Variants in NUBP1 observed in about 807,000 individuals in gnomAD.
NUBP1 encodes the protein NUBP iron-sulfur cluster assembly factor 1, cytosolic, also known as cytosolic Fe-S cluster assembly factor NUBP1.
Under a neutral mutation model 41.8 loss-of-function variants are expected in NUBP1, and 46 were observed. The ratio of observed to expected loss-of-function variants is 1.10; its 90% CI spans 0.87 to 1.41. NUBP1 has a LOEUF of 1.41. Ranked by LOEUF, NUBP1 falls within the 40% of genes most tolerant of loss-of-function variation. The pLI is 0.00. For missense variants in NUBP1, 494 were observed against 414.0 expected, an observed-to-expected ratio of 1.19 and a Z score of -1.68; for synonymous variants, 189 against 154.6, an observed-to-expected ratio of 1.22 and a Z score of -1.65.
intron 2 of NUBP1, 79 bp from the exon 3 acceptor site, chr16:10,747,064 C>A: frequency 1.3e-6 from 2 of 1,561,206 alleles, no homozygotes; most frequent in Non-Finnish European, 1.8e-6. Flanking sequence ...TAGGACTTAG[C>A]TCTTTCTAGT....
At chr16:10,748,512 A>G (rs1314061800) in intron 3 of NUBP1, among the ~76,000 whole-genome samples, 1 of 149,052 alleles carries the variant, frequency 6.7e-6, no homozygotes, top group East Asian at 2.0e-4. Flanking sequence ...GCCCAAACTC[A>G]GGTCCCAGCT....
At chr16:10,750,243 CTTTT>C (rs1441195822) in intron 3 of NUBP1, among the ~76,000 whole-genome samples, 2 of 152,076 alleles carry the variant, frequency 1.3e-5, no homozygotes, top group Non-Finnish European at 2.9e-5. Context: ...ATAAATTAAA[CTTTT>C]TTTGTTTGTT....
intron 3 of NUBP1, among the ~76,000 whole-genome samples, chr16:10,748,262 T>G (rs1019000336): frequency 3.3e-5 from 5 of 152,188 alleles, no homozygotes; most frequent in African/African-American, 1.2e-4. Flanking sequence ...AAAATTGCAA[T>G]TTTTAAATTA....
chr16:10,747,809 C>T (rs1440291373), intron 3 of NUBP1, among the ~76,000 whole-genome samples: 3 of 152,154 alleles, frequency 2.0e-5, no homozygotes, highest in African/African-American at 4.8e-5. Context: ...TATTACATTA[C>T]GTTCACGCTT....
chr16:10,745,779 A>G (rs1900031744), intron 2 of NUBP1, among the ~76,000 whole-genome samples: 1 of 152,266 alleles, frequency 6.6e-6, no homozygotes, highest in South Asian at 2.1e-4. Context: ...GAGGGAATAA[A>G]GGAAGAATTA....
Position 10,769,195 on chromosome 16 carries a change from G to T in NUBP1, c.*90G>T. 1 of 1,182,406 alleles carries T rather than the reference G, an allele frequency of 8.5e-7. No individual in the cohort carries two copies. Among genetic ancestry groups the T allele is most frequent in the South Asian group, 1.3e-5 (1 of 78,678 alleles). The allele number at this position is 1,182,406 out of a possible 1,614,324, so 73.2% of individuals were successfully genotyped here. On this transcript the variant is annotated 3_prime_UTR_variant, in exon 11 of 11. Coordinates refer to ENST00000283027, the MANE Select transcript of NUBP1 (RefSeq NM_002484.4). ...CAGACCCGACCAGCTCCGGGATGGG[G>T]TGGGTCACAGCAAAAGGACCAGATG...
rs1353110962 is a variant in NUBP1 at position 10,768,120 on chromosome 16, G to A, written c.904+88G>A. On this transcript the variant is annotated intron_variant, in intron 10 of 10. Coordinates refer to ENST00000283027, the MANE Select transcript of NUBP1 (RefSeq NM_002484.4). This position sits in a 1 kb window ranked among gnomAD's most constrained non-coding sequence, Gnocchi z 4.3. ...CAGGGGTGTGGAAGGACAGGTGGGTGGTGGGGTCTGTGATGACCACAGAGT... is the reference window on the plus strand; with the variant it reads ...CAGGGGTGTGGAAGGACAGGTGGGTAGTGGGGTCTGTGATGACCACAGAGT... 2.3e-6 allele frequency: 3 copies of A among 1,293,864 alleles called. No homozygotes were observed. Among genetic ancestry groups the A allele is most frequent in the Non-Finnish European group, 3.3e-6 (3 of 901,080 alleles). The allele number at this position is 1,293,864 out of a possible 1,614,324, so 80.1% of individuals were successfully genotyped here.
rs2031351982 is a variant in NUBP1, at chr16:10,769,263, T to TGAG, written c.*158_*159insGAG. The TGAG allele has an allele frequency of 4.9e-6, 3 of 616,694 alleles. No individual in the cohort carries two copies. In the African/African-American group the frequency reaches 5.6e-5, roughly 11 times the overall value. 38.2% of individuals were successfully genotyped at this position (616,694 alleles called of 1,614,324 possible). A position where few individuals can be genotyped will look rare whatever the true frequency, so the allele number is the denominator to read the frequency against. The stretch of plus-strand genomic sequence containing the variant: ...CACTTTCTCAGAGACACTTTAATCA[T>TGAG]TGAGTATTTGTACACTTTTCTTTAG... On this transcript the variant is annotated 3_prime_UTR_variant, in exon 11 of 11. Transcript: ENST00000283027.
intron 5 of NUBP1, 112 bp from the exon 6 acceptor site, chr16:10,756,578 T>G (rs1900571281): frequency 3.0e-6 from 2 of 658,746 alleles, no homozygotes; most frequent in African/African-American, 1.9e-5. Context: ...CATGGTAGTT[T>G]TGTCCTGAAA....
rs373619978 is a variant in NUBP1 at position 10,747,240 on chromosome 16, C to A, written c.222C>A (p.His74Gln). ...TTGGGAAAAGCACATTCAGCGCCCA[C>A]CTTGCCCATGGCCTAGCAGAGGATG... ...GGVGKSTFSA[H>Q]LAHGLAEDEN... The change falls in exon 3 of 11, where the codon CAC becomes CAA. Residue 74 changes from histidine to glutamine, a missense_variant. Coordinates refer to ENST00000283027, the MANE Select transcript of NUBP1 (RefSeq NM_002484.4). 4 of 1,614,206 alleles carry A rather than the reference C, an allele frequency of 2.5e-6. No individual in the cohort carries two copies. Among genetic ancestry groups the A allele is most frequent in the Non-Finnish European group, 2.5e-6 (3 of 1,180,044 alleles).
At position 10,769,150 on chromosome 16, in the gene NUBP1, C is replaced by T. The variant is rs778997931; in HGVS notation, c.*45C>T. 7.0e-6 allele frequency: 11 copies of T among 1,573,812 alleles called. No individual in the cohort carries two copies. Among genetic ancestry groups the T allele is most frequent in the Middle Eastern group, 1.7e-4 (1 of 6,004 alleles). Reference sequence around the variant, plus strand: ...CCAAGCAGTTACCGAGCGAGGCACTCACTGGGCAGCACATCCAGCCAGACC... The same window carrying T: ...CCAAGCAGTTACCGAGCGAGGCACTTACTGGGCAGCACATCCAGCCAGACC... On this transcript the variant is annotated 3_prime_UTR_variant, in exon 11 of 11. Coordinates refer to ENST00000283027, the MANE Select transcript of NUBP1 (RefSeq NM_002484.4).
Position 10,752,295 on chromosome 16 carries a change from C to T in NUBP1, c.259-315C>T, listed in dbSNP as rs536207229. On this transcript the variant is annotated intron_variant, in intron 3 of 10. Transcript: ENST00000283027. ...AGCCAAACAGGCGCTAGGTCCCTTT[C>T]CCCGTCTCCTCCAACCAGGGCTCAG... 7.9e-5 allele frequency among the ~76,000 whole-genome samples: 12 copies of T among 152,304 alleles called. No individual in the cohort carries two copies. The South Asian group carries it at 2.5e-3, about 32-fold the overall frequency.
At chr16:10,746,592 T>C (rs1900074396) in intron 2 of NUBP1, among the ~76,000 whole-genome samples, 1 of 152,042 alleles carries the variant, frequency 6.6e-6, no homozygotes, top group South Asian at 2.1e-4. Flanking sequence ...AATACAAAAA[T>C]TAGCCAGGCA....
At chr16:10,762,594 T>C (rs2142767820) in intron 9 of NUBP1, among the ~76,000 whole-genome samples, 1 of 152,240 alleles carries the variant, frequency 6.6e-6, no homozygotes, top group East Asian at 1.9e-4. Flanking sequence ...GTGGGGCTCC[T>C]GCGGGGCGTC....
intron 2 of NUBP1, among the ~76,000 whole-genome samples, chr16:10,746,363 G>A (rs1447746684): frequency 6.6e-6 from 1 of 152,120 alleles, no homozygotes; most frequent in East Asian, 1.9e-4. Flanking sequence ...TTGTTGTGGG[G>A]GGCTGTCCTG....
At chr16:10,752,722 A>G in intron 4 of NUBP1, 44 bp downstream of exon 4, 1 of 1,513,864 alleles carries the variant, frequency 6.6e-7, no homozygotes, top group Non-Finnish European at 9.2e-7. Context: ...CTCTTAAGGC[A>G]AACTCTGTAG....
At position 10,756,734 on chromosome 16, in the gene NUBP1, C is replaced by T. The variant is rs940602722; in HGVS notation, c.405C>T (p.Leu135=). The change falls in exon 6 of 11, where the codon CTC becomes CTT. Residue 135 remains leucine (L), a synonymous_variant. Transcript: ENST00000283027. ...GGGTGATGTCAGTGGGCTTCCTGCT[C>T]AGCAGTCCTGATGATGCTGTTATCT... ...NLGVMSVGFL[L]SSPDDAVIWR... 1.3e-6 allele frequency: 2 copies of T among 1,582,892 alleles called. No homozygotes were observed. The highest frequency in any genetic ancestry group is 1.2e-5 in the South Asian group (1 of 85,908).
Position 10,757,102 on chromosome 16 carries a change from C to T in NUBP1, c.451+322C>T, listed in dbSNP as rs1448671846. On this transcript the variant is annotated intron_variant, in intron 6 of 10. Coordinates refer to ENST00000283027, the MANE Select transcript of NUBP1 (RefSeq NM_002484.4). The surrounding 1 kb of genome is among the most constrained non-coding windows in gnomAD (Gnocchi z 4.1). Reference sequence around the variant, plus strand: ...ATCACCTGAGGTCAGGAGTTCAAGACCAGCCTCGCCGACATGGTGAAACCC... The same window carrying T: ...ATCACCTGAGGTCAGGAGTTCAAGATCAGCCTCGCCGACATGGTGAAACCC... Among the ~76,000 whole-genome samples, 1 of 152,090 alleles carries T rather than the reference C, an allele frequency of 6.6e-6. No individual in the cohort carries two copies. Among genetic ancestry groups the T allele is most frequent in the Non-Finnish European group, 1.5e-5 (1 of 68,010 alleles).
At chr16:10,745,285 A>T (rs1398870936) in intron 2 of NUBP1, among the ~76,000 whole-genome samples, 3 of 151,824 alleles carry the variant, frequency 2.0e-5, no homozygotes, top group Non-Finnish European at 4.4e-5. Flanking sequence ...CCTGGCCAAC[A>T]TGGTGAAACC....
Sources: gnomAD v4.1 joint callset for allele counts (sites outside exome capture counted in the v4.1 genomes callset) on GRCh38, gnomAD v4.1.1 for gene constraint, Gnocchi (gnomAD v3.1) non-coding constraint, MANE v1.5 for transcripts, NCBI Gene and HGNC (gene_info 2026-07-23, HGNC 2026-07-21) for gene names.